The following AKAP6 variants were observed in gnomAD, a reference collection of about 807,000 sequenced individuals.
The protein encoded by AKAP6 is A-kinase anchoring protein 6.
In AKAP6, 58 loss-of-function variants were observed where a neutral mutation model predicts 188.5. The ratio of observed to expected loss-of-function variants is 0.31; its 90% confidence interval spans 0.25 to 0.38. The LOEUF is 0.38. Among genes scored for constraint, AKAP6 ranks in the 10% least tolerant of loss-of-function variants. The pLI is 1.00. For synonymous variants in AKAP6, 989 were observed against 998.6 expected, an observed-to-expected ratio of 0.99 and a Z score of 0.18; for missense variants, 2,710 against 2,740.0, an observed-to-expected ratio of 0.99 and a Z score of 0.24.
At chr14:32,556,808 A>G (rs1883707975) in intron 4 of AKAP6, among the ~76,000 whole-genome samples, 1 of 152,070 alleles carries the variant, frequency 6.6e-6, no homozygotes, top group Non-Finnish European at 1.5e-5. Context: ...TTTTGGTGCC[A>G]TAACCGAGAA....
chr14:32,710,071 A>T (rs942095033), intron 9 of AKAP6, among the ~76,000 whole-genome samples: 15 of 152,008 alleles, frequency 9.9e-5, no homozygotes, highest in African/African-American at 3.6e-4. Flanking sequence ...TCTCTTATTA[A>T]CAGTTAATAA....
chr14:32,679,601 G>A (rs773754627), intron 8 of AKAP6, among the ~76,000 whole-genome samples: 3 of 152,084 alleles, frequency 2.0e-5, no homozygotes, highest in Non-Finnish European at 4.4e-5. Flanking sequence ...TAAGTACACT[G>A]ATGAAAAATT....
chr14:32,642,688 G>A (rs994465717), intron 7 of AKAP6, among the ~76,000 whole-genome samples: 17 of 152,074 alleles, frequency 1.1e-4, no homozygotes, highest in African/African-American at 3.9e-4. Flanking sequence ...ATTAGAATTG[G>A]TTACAAATAT....
chr14:32,489,699 A>G (rs1879898013), intron 2 of AKAP6, among the ~76,000 whole-genome samples: 1 of 152,240 alleles, frequency 6.6e-6, no homozygotes, highest in Non-Finnish European at 1.5e-5. Flanking sequence ...TTCCTAAGTA[A>G]TATACTTTTT....
At position 32,535,717 on chromosome 14, in the gene AKAP6, A is replaced by T; in HGVS notation, c.488A>T (p.Glu163Val). 1 of 1,614,232 alleles carries T rather than the reference A, an allele frequency of 6.2e-7. No homozygotes were observed. The highest frequency in any genetic ancestry group is 8.5e-7 in the Non-Finnish European group (1 of 1,180,024). Residue 163 changes from glutamate (E) to valine (V), a missense_variant, in exon 3 of 14, where the codon GAG becomes GTG. Transcript: ENST00000280979. ...CGAGTCTCAGTGCTGGTTCTGCGGG[A>T]GCGCATTCTGCAAGGTCTGCAGGAC... is the stretch of plus-strand genomic sequence containing the variant. The part of the protein sequence containing the change: ...QLRVSVLVLR[E>V]RILQGLQDAN...
chr14:32,758,232 A>C (rs558202682), intron 11 of AKAP6, among the ~76,000 whole-genome samples: 4 of 152,186 alleles, frequency 2.6e-5, no homozygotes, highest in Non-Finnish European at 4.4e-5. Context: ...AAGAAAACCA[A>C]ATCTCTGATA....
At chr14:32,607,626 A>T (rs7157744) in intron 7 of AKAP6, among the ~76,000 whole-genome samples, 95,693 of 152,036 alleles carry the variant, frequency 0.63, 31,163 homozygotes, top group East Asian at 0.94. Context: ...TAGTGTAACA[A>T]CTTGTCTAAT....
At position 32,420,420 on chromosome 14, in the gene AKAP6, A is replaced by G. The variant is rs73259228; in HGVS notation, c.-34-13040A>G. Among the ~76,000 whole-genome samples, 816 of 152,164 alleles carry G rather than the reference A, an allele frequency of 5.4e-3. 8 individuals carry two copies. Among genetic ancestry groups the G allele is most frequent in the African/African-American group, 0.017 (705 of 41,530 alleles). ...ATCCCTCCTTTCTTCCTATAAAACTATGTCATGATTTTGGGTTATTGCAGC... is the reference window on the plus strand; with the variant it reads ...ATCCCTCCTTTCTTCCTATAAAACTGTGTCATGATTTTGGGTTATTGCAGC... On this transcript the variant is annotated intron_variant, in intron 1 of 13. Coordinates refer to ENST00000280979, the MANE Select transcript of AKAP6 (RefSeq NM_004274.5).
intron 2 of AKAP6, among the ~76,000 whole-genome samples, chr14:32,461,706 G>C (rs970694570): frequency 6.6e-6 from 1 of 151,960 alleles, no homozygotes; most frequent in African/African-American, 2.4e-5. Flanking sequence ...TTGAGCAAGG[G>C]CACAAAACTA....
At chr14:32,705,300 G>T (rs12431646) in intron 9 of AKAP6, among the ~76,000 whole-genome samples, 16,254 of 152,076 alleles carry the variant, frequency 0.11, 895 homozygotes, top group Admixed American at 0.13. Flanking sequence ...GAATGATATT[G>T]AATTAAATAT....
chr14:32,562,434 G>A (rs1211168474), intron 4 of AKAP6, among the ~76,000 whole-genome samples: 2 of 152,080 alleles, frequency 1.3e-5, no homozygotes, highest in African/African-American at 4.8e-5. Flanking sequence ...ATTTTCTATA[G>A]CATAGAGAAG....
At chr14:32,580,297 A>G (rs1229853689) in intron 5 of AKAP6, among the ~76,000 whole-genome samples, 1 of 152,038 alleles carries the variant, frequency 6.6e-6, no homozygotes, top group Non-Finnish European at 1.5e-5. Flanking sequence ...TCAAAAATAC[A>G]ATTCCTACCT....
intron 13 of AKAP6, among the ~76,000 whole-genome samples, chr14:32,828,105 T>C (rs2034720841): frequency 1.3e-5 from 2 of 152,194 alleles, no homozygotes; most frequent in Admixed American, 6.5e-5. Flanking sequence ...TGGTGGCCAG[T>C]AGATTTTAGA....
chr14:32,774,926 C>T (rs147364836), intron 12 of AKAP6, among the ~76,000 whole-genome samples: 5 of 152,136 alleles, frequency 3.3e-5, no homozygotes, highest in South Asian at 2.1e-4. Context: ...TGCTCTTTGA[C>T]GTGTTAGGCA....
At chr14:32,525,476 G>A (rs1040782319) in intron 2 of AKAP6, among the ~76,000 whole-genome samples, 1 of 152,180 alleles carries the variant, frequency 6.6e-6, no homozygotes, top group Non-Finnish European at 1.5e-5. Flanking sequence ...TTTCAGAGAC[G>A]TGAAGGCAGA....
At position 32,822,934 on chromosome 14, in the gene AKAP6, C is replaced by G. The variant is rs200940126; in HGVS notation, c.5121C>G (p.His1707Gln). Residue 1707 changes from histidine to glutamine, a missense_variant, in exon 13 of 14, where the codon CAC becomes CAG. Physicochemically the swap from His to Gln is conservative, Grantham distance 24. Transcript: ENST00000280979. The part of the protein sequence containing the change: ...LSLCSEDIVL[H>Q]KNKIPESNAS... ...TTTGCTCAGAGGATATTGTGTTACA[C>G]AAGAACAAGATCCCGGAATCGAATG... 3.0e-5 allele frequency: 49 copies of G among 1,613,814 alleles called. No homozygotes were observed. Among genetic ancestry groups the G allele is most frequent in the Non-Finnish European group, 4.2e-5 (49 of 1,179,934 alleles).
intron 7 of AKAP6, among the ~76,000 whole-genome samples, chr14:32,623,894 A>C (rs1886910323): frequency 6.6e-6 from 1 of 152,118 alleles, no homozygotes; most frequent in Non-Finnish European, 1.5e-5. Context: ...GTTAGTCATC[A>C]TCTGCTCATG....
rs375638105 is a variant in AKAP6 at position 32,548,616 on chromosome 14, GACAA to G, written c.2346+1621_2346+1624del. On this transcript the variant is annotated intron_variant, in intron 4 of 13. Transcript: ENST00000280979. ...AAGAGATGGTAGGTAGCTAGATAGA[GACAA>G]ACAGACAGACACAGATAGACAGACT... 1.4e-3 allele frequency among the ~76,000 whole-genome samples: 207 copies of G among 152,204 alleles called. 1 individual carries two copies. Among genetic ancestry groups the G allele is most frequent in the East Asian group, 7.6e-3 (39 of 5,162 alleles).
intron 1 of AKAP6, among the ~76,000 whole-genome samples, chr14:32,404,795 G>T (rs1889233086): frequency 6.8e-6 from 1 of 147,782 alleles, no homozygotes; most frequent in Non-Finnish European, 1.5e-5. Context: ...TTATAAAGGT[G>T]TGGGCTGGGT....
Sources: gnomAD v4.1 joint callset for allele counts (sites outside exome capture counted in the v4.1 genomes callset) on GRCh38, gnomAD v4.1.1 for gene constraint, MANE v1.5 for transcripts, NCBI Gene and HGNC (gene_info 2026-07-23, HGNC 2026-07-21) for gene names.